The following RARB variants were observed in gnomAD, a reference collection of about 807,000 sequenced individuals.
RARB encodes retinoic acid receptor beta, also known as HBV-activated protein.
RARB carries 17 observed loss-of-function variants against 51.9 expected under a neutral mutation model. The observed-to-expected ratio is 0.33, with a 90% CI of 0.22 to 0.49. The LOEUF is 0.49. Ranked by LOEUF, RARB falls within the 20% of genes least tolerant of loss-of-function variation. The pLI, the probability that RARB is intolerant of heterozygous loss-of-function variation, is 0.99. For synonymous variants in RARB, 215 were observed against 195.4 expected, an observed-to-expected ratio of 1.10 and a Z score of -0.84; for missense variants, 369 against 550.8, an observed-to-expected ratio of 0.67 and a Z score of 3.30.
chr3:25,438,510 C>G (rs74471411), intron 1 of RARB, among the ~76,000 whole-genome samples: 10,277 of 152,222 alleles, frequency 0.068, 453 homozygotes, highest in Middle Eastern at 0.12. Context: ...AAATGCTACT[C>G]TAATGACAAC....
intron 5 of RARB, among the ~76,000 whole-genome samples, chr3:25,281,475 T>C (rs1703520653): frequency 6.6e-6 from 1 of 152,240 alleles, no homozygotes; most frequent in African/African-American, 2.4e-5. Flanking sequence ...CATTATCTCC[T>C]ATTCTCTTAC....
At chr3:24,999,951 CA>C (rs937488162) in intron 2 of RARB, among the ~76,000 whole-genome samples, 2 of 151,072 alleles carry the variant, frequency 1.3e-5, no homozygotes, top group African/African-American at 4.9e-5. Flanking sequence ...CACATTAATG[CA>C]AAAAAATATT....
At chr3:25,577,411 G>C (rs913748386) in intron 4 of RARB, among the ~76,000 whole-genome samples, 2 of 152,164 alleles carry the variant, frequency 1.3e-5, no homozygotes, top group African/African-American at 4.8e-5. Flanking sequence ...CAAAATGCAG[G>C]AATTGAATGT....
chr3:24,858,469 C>T (rs149877805), intron 1 of RARB, among the ~76,000 whole-genome samples: 4 of 152,096 alleles, frequency 2.6e-5, no homozygotes, highest in African/African-American at 7.2e-5. Flanking sequence ...TCCTTGTGAA[C>T]GGGTACAGCT....
intron 2 of RARB, among the ~76,000 whole-genome samples, chr3:24,864,778 A>G (rs1042172797): frequency 2.0e-5 from 3 of 152,216 alleles, no homozygotes; most frequent in Admixed American, 6.5e-5. Flanking sequence ...AAAATTTACT[A>G]TCAATCTTTT....
In RARB at chr3:25,123,593, A is replaced by G. The variant is rs1011216520; in HGVS notation, c.-327-8568A>G. The stretch of plus-strand genomic sequence containing the variant: ...TTTCTAATCATATAACCTAACACCT[A>G]ATTGCTGGACTATCCTCATTCCCTT... On this transcript the variant is annotated intron_variant, in intron 3 of 11. Transcript: ENST00000383772. 2.0e-5 allele frequency among the ~76,000 whole-genome samples: 3 copies of G among 152,268 alleles called. No homozygotes were observed. The East Asian group carries it at 5.8e-4, about 29-fold the overall frequency.
chr3:25,176,673 C>A (rs1472762635), intron 5 of RARB, among the ~76,000 whole-genome samples: 1 of 151,922 alleles, frequency 6.6e-6, no homozygotes, highest in Admixed American at 6.6e-5. Flanking sequence ...GGATTATAGG[C>A]GTGAGCCACC....
At chr3:25,201,134 G>T (rs1701379280) in intron 5 of RARB, among the ~76,000 whole-genome samples, 1 of 151,932 alleles carries the variant, frequency 6.6e-6, no homozygotes, top group African/African-American at 2.4e-5. Flanking sequence ...TCTCCTTGAA[G>T]AGTTCCTTCA....
intron 2 of RARB, among the ~76,000 whole-genome samples, chr3:24,948,423 T>C (rs1449259263): frequency 3.3e-5 from 5 of 152,222 alleles, no homozygotes; most frequent in African/African-American, 7.2e-5. Flanking sequence ...TGTGGATAAA[T>C]AGAAGCTAAA....
chr3:24,958,863 G>C (rs1210631826), intron 2 of RARB, among the ~76,000 whole-genome samples: 1 of 152,162 alleles, frequency 6.6e-6, no homozygotes, highest in Non-Finnish European at 1.5e-5. Flanking sequence ...CGTGAAACAG[G>C]AAATTTTCCC....
At chr3:25,106,458 G>GTTTTTT (rs1330251701) in intron 3 of RARB, among the ~76,000 whole-genome samples, 1 of 107,840 alleles carries the variant, frequency 9.3e-6, no homozygotes, top group African/African-American at 4.0e-5. Context: ...TTTGTTTTTT[G>GTTTTTT]TTTTTTTTTG....
At chr3:24,977,261 T>C (rs144647614) in intron 2 of RARB, among the ~76,000 whole-genome samples, 1,599 of 152,294 alleles carry the variant, frequency 0.01, 25 homozygotes, top group East Asian at 0.086. Flanking sequence ...TTTGGTTTCA[T>C]ATGAAATTTA....
intron 4 of RARB, among the ~76,000 whole-genome samples, chr3:25,170,792 G>A (rs1490448115): frequency 6.6e-6 from 1 of 152,028 alleles, no homozygotes; most frequent in South Asian, 2.1e-4. Context: ...ATATACATAT[G>A]TGTGGAGAAA....
intron 3 of RARB, chr3:25,060,301 A>G (rs962131745): frequency 3.3e-5 from 5 of 151,914 alleles, no homozygotes; most frequent in Non-Finnish European, 7.4e-5. Context: ...AGTCCTTATT[A>G]TATACACATA....
chr3:25,586,734 G>A (rs1196341985), intron 5 of RARB, among the ~76,000 whole-genome samples: 1 of 152,190 alleles, frequency 6.6e-6, no homozygotes, highest in Non-Finnish European at 1.5e-5. Context: ...GTATAGCCAT[G>A]GAGGGCCGTT....
At chr3:25,121,934 G>A (rs1699790984) in intron 3 of RARB, among the ~76,000 whole-genome samples, 1 of 152,068 alleles carries the variant, frequency 6.6e-6, no homozygotes, top group Admixed American at 6.6e-5. Context: ...ATTCTTCCTT[G>A]TATATCTTAG....
At chr3:25,184,050 T>G (rs1310991394) in intron 5 of RARB, among the ~76,000 whole-genome samples, 1 of 152,164 alleles carries the variant, frequency 6.6e-6, no homozygotes, top group Non-Finnish European at 1.5e-5. Context: ...CCTTCCCTGG[T>G]TAACTTGGCC....
chr3:24,864,787 T>C (rs1702817815), intron 2 of RARB, among the ~76,000 whole-genome samples: 1 of 152,202 alleles, frequency 6.6e-6, no homozygotes, highest in Admixed American at 6.5e-5. Context: ...TATCAATCTT[T>C]TACAAAAAAG....
intron 4 of RARB, among the ~76,000 whole-genome samples, chr3:25,152,640 C>T (rs887480483): frequency 4.6e-5 from 7 of 152,060 alleles, no homozygotes; most frequent in African/African-American, 1.7e-4. Context: ...CACATACATA[C>T]ATACATACAC....
Sources: allele counts gnomAD v4.1 joint callset (sites outside exome capture counted in the v4.1 genomes callset), GRCh38; gene constraint gnomAD v4.1.1; transcripts MANE v1.5; gene names NCBI Gene and HGNC (gene_info 2026-07-23, HGNC 2026-07-21).